KLRG1: variants seen among roughly 807,000 people sequenced by gnomAD.
The protein encoded by KLRG1 is killer cell lectin like receptor G1.
KLRG1 carries 16 observed loss-of-function variants against 21.8 expected under a neutral mutation model. That is an observed-to-expected ratio of 0.73 (90% CI 0.50 to 1.11). KLRG1 has a LOEUF of 1.11. Ranked by LOEUF, KLRG1 falls within the 50% of genes most tolerant of loss-of-function variation. The probability of loss-of-function intolerance (pLI) is 0.00; values close to 1 mark genes in which losing one functional copy is unlikely to be tolerated. For synonymous variants in KLRG1, 69 were observed against 75.9 expected (o/e 0.91, Z 0.47); for missense variants, 173 against 218.3 (o/e 0.79, Z 1.31).
At chr12:9,152,793 A>G in the KLRG1 span, 1 of 1,602,208 alleles carries the variant, frequency 6.2e-7, no homozygotes, top group Non-Finnish European at 8.5e-7. Flanking sequence ...CTTTTGGGCC[A>G]AAGATAGGTG....
the KLRG1 span, among the ~76,000 whole-genome samples, chr12:9,108,620 A>G: frequency 6.6e-6 from 1 of 152,204 alleles, no homozygotes; most frequent in South Asian, 2.1e-4. Context: ...CTAGCTGAAT[A>G]GTAGGTGTAT....
the KLRG1 span, among the ~76,000 whole-genome samples, chr12:9,061,437 C>CAAA: frequency 6.6e-6 from 1 of 151,694 alleles, no homozygotes; most frequent in Non-Finnish European, 1.5e-5. Context: ...TGTGCCTGGC[C>CAAA]AAAAAATATA....
chr12:9,209,191 A>G, the KLRG1 span, among the ~76,000 whole-genome samples: 1 of 152,306 alleles, frequency 6.6e-6, no homozygotes, highest in South Asian at 2.1e-4. Flanking sequence ...CAGCAGATTT[A>G]ATGCCATCCT....
At chr12:9,016,902 CTG>C in the KLRG1 span, among the ~76,000 whole-genome samples, 1 of 152,138 alleles carries the variant, frequency 6.6e-6, no homozygotes, top group Non-Finnish European at 1.5e-5. Flanking sequence ...GCGTGAAACA[CTG>C]TGCCCAGCCC....
the KLRG1 span, among the ~76,000 whole-genome samples, chr12:9,071,556 C>G: frequency 6.6e-6 from 1 of 152,084 alleles, no homozygotes; most frequent in Non-Finnish European, 1.5e-5. Flanking sequence ...AAATTTTGCA[C>G]TGAATTGTTG....
At chr12:8,956,301 T>C (rs1370529446) in intron 1 of KLRG1, among the ~76,000 whole-genome samples, 1 of 152,126 alleles carries the variant, frequency 6.6e-6, no homozygotes, top group East Asian at 1.9e-4. Context: ...ACTGAACAAG[T>C]TGGGACATGC....
At chr12:9,122,167 A>G in the KLRG1 span, among the ~76,000 whole-genome samples, 23 of 152,212 alleles carry the variant, frequency 1.5e-4, no homozygotes, top group Admixed American at 1.2e-3. Flanking sequence ...TACATTAAGT[A>G]TTTGTGTTTA....
At chr12:9,127,939 A>C in the KLRG1 span, 2 of 334,362 alleles carry the variant, frequency 6.0e-6, no homozygotes, top group Non-Finnish European at 1.2e-5. Context: ...ACCATTGAGA[A>C]CTCCCGGATT....
chr12:9,061,268 T>C, the KLRG1 span, among the ~76,000 whole-genome samples: 1 of 152,110 alleles, frequency 6.6e-6, no homozygotes, highest in Non-Finnish European at 1.5e-5. Context: ...TTTTTTCTCT[T>C]AGAAAAATAG....
At chr12:9,150,650 C>T in the KLRG1 span, 3 of 1,596,614 alleles carry the variant, frequency 1.9e-6, no homozygotes, top group Non-Finnish European at 1.7e-6. Context: ...TCACCTGTCT[C>T]ATAGTAATCA....
the KLRG1 span, chr12:9,113,678 G>A: frequency 1.3e-6 from 1 of 795,736 alleles, no homozygotes; most frequent in Non-Finnish European, 2.0e-6. Context: ...CATGAAATTT[G>A]GCCGTTGAAG....
At position 9,009,669 on chromosome 12, in the gene KLRG1, T is replaced by G; in HGVS notation, c.*132T>G. On this transcript the variant is annotated 3_prime_UTR_variant, in exon 5 of 5. Transcript: ENST00000356986. Reference sequence around the variant, plus strand: ...GAACTTTCTCAGATATGGCATTAGATGCAAGACAACCTCCTAGGGATTGAT... The same window carrying G: ...GAACTTTCTCAGATATGGCATTAGAGGCAAGACAACCTCCTAGGGATTGAT... The G allele has an allele frequency of 1.4e-6, 2 of 1,445,200 alleles. No homozygotes were observed. The highest frequency in any genetic ancestry group is 1.8e-6 in the Non-Finnish European group (2 of 1,103,452). The allele number at this position is 1,445,200 out of a possible 1,614,324, so 89.5% of individuals were successfully genotyped here. A position where few individuals can be genotyped will look rare whatever the true frequency, so the allele number is the denominator to read the frequency against.
chr12:9,014,300 T>C (rs968435497), downstream of KLRG1, among the ~76,000 whole-genome samples: 2 of 152,026 alleles, frequency 1.3e-5, no homozygotes, highest in Admixed American at 6.6e-5. Context: ...CAAATAAGAC[T>C]ACATTTAATA....
the KLRG1 span, among the ~76,000 whole-genome samples, chr12:9,084,012 G>T: frequency 6.6e-6 from 1 of 152,154 alleles, no homozygotes; most frequent in Non-Finnish European, 1.5e-5. Context: ...CAGGCTGAGG[G>T]AGAGTGGAAT....
chr12:9,042,869 G>A, the KLRG1 span, among the ~76,000 whole-genome samples: 2 of 152,130 alleles, frequency 1.3e-5, no homozygotes, highest in African/African-American at 4.8e-5. Flanking sequence ...AACCCAGAAA[G>A]CAGAGGGAAG....
At chr12:8,998,965 C>T (rs916744934) in intron 3 of KLRG1, among the ~76,000 whole-genome samples, 6 of 152,032 alleles carry the variant, frequency 3.9e-5, no homozygotes, top group African/African-American at 1.4e-4. Flanking sequence ...AAGTGATCCT[C>T]TCGCCTTGGT....
the KLRG1 span, among the ~76,000 whole-genome samples, chr12:9,164,807 G>GT: frequency 1.3e-5 from 2 of 151,900 alleles, no homozygotes; most frequent in Non-Finnish European, 2.9e-5. Flanking sequence ...ACGGGTTGGA[G>GT]AATGACTCTC....
chr12:9,112,384 C>A, the KLRG1 span: 2 of 1,613,602 alleles, frequency 1.2e-6, no homozygotes, highest in Non-Finnish European at 1.7e-6. Flanking sequence ...TACCTGTCTG[C>A]CCTGGTTTGT....
the KLRG1 span, chr12:9,196,466 T>G: frequency 6.3e-7 from 1 of 1,583,296 alleles, no homozygotes; most frequent in African/African-American, 1.3e-5. Flanking sequence ...GTCAGTACTT[T>G]TAGAAGTTAC....
Sources: allele counts gnomAD v4.1 joint callset (sites outside exome capture counted in the v4.1 genomes callset), GRCh38; gene constraint gnomAD v4.1.1; transcripts MANE v1.5; gene names NCBI Gene and HGNC (gene_info 2026-07-23, HGNC 2026-07-21).